Variants in TRIM28 observed in about 807,000 individuals in gnomAD.
The protein encoded by TRIM28 is tripartite motif containing 28.
A neutral mutation model predicts 87.4 loss-of-function variants in TRIM28; 8 were observed. The observed-to-expected ratio is 0.09, with a 90% CI of 0.05 to 0.17. The LOEUF is 0.17. Ranked by LOEUF, TRIM28 falls within the 10% of genes least tolerant of loss-of-function variation. The pLI is 1.00. For missense variants in TRIM28, 968 were observed against 1,131.8 expected, an observed-to-expected ratio of 0.86 and a Z score of 2.08; for synonymous variants, 601 against 454.3, an observed-to-expected ratio of 1.32 and a Z score of -4.11.
chr19:58,545,126 T>C, intron 1 of TRIM28, 29 bp downstream of exon 1: 5 of 1,378,982 alleles, frequency 3.6e-6, no homozygotes, highest in Middle Eastern at 2.7e-4. Context: ...GTGCCACCCC[T>C]CCCCCTACTC....
At chr19:58,547,342 G>A in intron 3 of TRIM28, 34 bp from the exon 4 acceptor site, 2 of 1,602,664 alleles carry the variant, frequency 1.2e-6, no homozygotes, top group African/African-American at 1.3e-5. Flanking sequence ...GGTGGTGAAG[G>A]GCAAGGTCCA....
At position 58,549,264 on chromosome 19, in the gene TRIM28, A is replaced by G; in HGVS notation, c.1662+24A>G. The G allele has an allele frequency of 1.2e-6, 2 of 1,606,176 alleles. No individual in the cohort carries two copies. The highest frequency in any genetic ancestry group is 1.7e-6 in the Non-Finnish European group (2 of 1,174,604). On this transcript the variant is annotated intron_variant, in intron 12 of 16. Transcript: ENST00000253024. The surrounding 1 kb of genome is among the most constrained non-coding windows in gnomAD (Gnocchi z 4.4). ...AGGTAAGCCTGTCCCAAGGAACTAT[A>G]GCTGTAGGATGAAGCCTGTAGTCCA...
At position 58,547,706 on chromosome 19, in the gene TRIM28, C is replaced by A; in HGVS notation, c.832C>A (p.Arg278Ser). Residue 278 changes from arginine (R) to serine (S), a missense_variant, in exon 5 of 17, where the codon CGC becomes AGC. By Grantham distance (110) the Arg-to-Ser change is moderately radical. Around this residue, in one of 11 missense-constraint regions of TRIM28, gnomAD observed 103 missense variants for 139.0 expected, o/e 0.74. Transcript: ENST00000253024. ...ATLQKSTKEV[R>S]SSIRQVSDVQ... Reference sequence around the variant, plus strand: ...ATTGCAGAAGAGCACCAAGGAGGTTCGCAGCTCGTAAGTGTGGGTTCTGGG... The same window carrying A: ...ATTGCAGAAGAGCACCAAGGAGGTTAGCAGCTCGTAAGTGTGGGTTCTGGG... 1 of 1,614,072 alleles carries A rather than the reference C, an allele frequency of 6.2e-7. No homozygotes were observed. Among genetic ancestry groups the A allele is most frequent in the South Asian group, 1.1e-5 (1 of 91,074 alleles).
rs778824406 is a variant in TRIM28 at position 58,545,522 on chromosome 19, C to T, written c.438C>T (p.Ala146=). ...GTGGCAGCAAGGCTGCCACCGACGCCCAGGATGCGAACCAGGTGCGTCCTA... is the reference window on the plus strand; with the variant it reads ...GTGGCAGCAAGGCTGCCACCGACGCTCAGGATGCGAACCAGGTGCGTCCTA... ...RDSGSKAATD[A]QDANQCCTSC... The change falls in exon 2 of 17, where the codon GCC becomes GCT. Residue 146 remains alanine (A), a synonymous_variant. Coordinates refer to ENST00000253024, the MANE Select transcript of TRIM28 (RefSeq NM_005762.3). 1 of 1,611,818 alleles carries T rather than the reference C, an allele frequency of 6.2e-7. No homozygotes were observed.
rs756462692 is a variant in TRIM28, at chr19:58,549,984, C to T, written c.2142C>T (p.His714=). 22 of 1,613,886 alleles carry T rather than the reference C, an allele frequency of 1.4e-5. No homozygotes were observed. Among genetic ancestry groups the T allele is most frequent in the African/African-American group, 2.7e-5 (2 of 74,862 alleles). ...CERVLLALFC[H]EPCRPLHQLA... ...GTGTACTGCTGGCCCTATTCTGTCACGAACCCTGCCGCCCCCTGCATCAGC... is the reference window on the plus strand; with the variant it reads ...GTGTACTGCTGGCCCTATTCTGTCATGAACCCTGCCGCCCCCTGCATCAGC... The change falls in exon 15 of 17, where the codon CAC becomes CAT. Residue 714 remains histidine, a synonymous_variant. Transcript: ENST00000253024. This position sits in a 1 kb window ranked among gnomAD's most constrained non-coding sequence, Gnocchi z 4.4.
At chr19:58,545,401 C>T (rs368873475) in intron 1 of TRIM28, 24 bp from the exon 2 acceptor site, 177 of 1,569,852 alleles carry the variant, frequency 1.1e-4, no homozygotes, top group Non-Finnish European at 1.5e-4. Context: ...TTGTAACAGT[C>T]TCCCACATCC....
At position 58,548,362 on chromosome 19, in the gene TRIM28, G is replaced by A. The variant is rs2305120; in HGVS notation, c.1170G>A (p.Lys390=). The change falls in exon 8 of 17, where the codon AAG becomes AAA. Residue 390 remains lysine (K), a synonymous_variant. Coordinates refer to ENST00000253024, the MANE Select transcript of TRIM28 (RefSeq NM_005762.3). ...VDPVEPHGEM[K]FQWDLNAWTK... is the part of the protein sequence containing the mutation. ...CCGTGGAGCCACATGGCGAGATGAA[G>A]TTTCAGTGGGACCTCAATGCCTGGA... 0.08 allele frequency: 128,488 copies of A among 1,614,062 alleles called. 7,084 individuals carry two copies. Among genetic ancestry groups the A allele is most frequent in the East Asian group, 0.32 (14,248 of 44,878 alleles).
In TRIM28 at chr19:58,545,775, C is replaced by T; in HGVS notation, c.465C>T (p.Ser155=). ...CCTTTGTCTGGCAGTGCTGCACTAG[C>T]TGTGAGGATAATGCCCCAGCCACCA... ...DAQDANQCCT[S]CEDNAPATSY... Residue 155 remains serine (S), a synonymous_variant, in exon 3 of 17, where the codon AGC becomes AGT. Coordinates refer to ENST00000253024, the MANE Select transcript of TRIM28 (RefSeq NM_005762.3). 6.2e-7 allele frequency: 1 copy of T among 1,608,774 alleles called. No homozygotes were observed.
In TRIM28 at chr19:58,549,132, C is replaced by T. The variant is rs1600083135; in HGVS notation, c.1554C>T (p.Asn518=). 6.2e-7 allele frequency: 1 copy of T among 1,614,160 alleles called. No homozygotes were observed. Among genetic ancestry groups the T allele is most frequent in the Non-Finnish European group, 8.5e-7 (1 of 1,180,032 alleles). The change falls in exon 12 of 17, where the codon AAC becomes AAT. Residue 518 remains asparagine, a synonymous_variant. Coordinates refer to ENST00000253024, the MANE Select transcript of TRIM28 (RefSeq NM_005762.3). The surrounding 1 kb of genome is among the most constrained non-coding windows in gnomAD (Gnocchi z 4.4). The part of the protein sequence containing the change: ...VFPGSTTEDY[N]LIVIERGAAA... ...CAGGCAGTACCACTGAGGACTACAACCTTATTGTTATTGAACGTGGCGCTG... is the reference window on the plus strand; with the variant it reads ...CAGGCAGTACCACTGAGGACTACAATCTTATTGTTATTGAACGTGGCGCTG...
In TRIM28 at chr19:58,548,348, C is replaced by G; in HGVS notation, c.1156C>G (p.His386Asp). 1 of 1,614,188 alleles carries G rather than the reference C, an allele frequency of 6.2e-7. No homozygotes were observed. The highest frequency in any genetic ancestry group is 1.1e-5 in the South Asian group (1 of 91,082). Residue 386 changes from histidine to aspartate, a missense_variant, in exon 8 of 17, where the codon CAT (histidine) becomes GAT (aspartate). Physicochemically the swap from His to Asp is moderately conservative, Grantham distance 81. Transcript: ENST00000253024. ...GATGATTGTGGATCCCGTGGAGCCA[C>G]ATGGCGAGATGAAGTTTCAGTGGGA... ...LKMIVDPVEP[H>D]GEMKFQWDLN...
intron 2 of TRIM28, 64 bp from the exon 3 acceptor site, chr19:58,545,700 C>G: frequency 6.3e-7 from 1 of 1,575,208 alleles, no homozygotes; most frequent in Non-Finnish European, 8.7e-7. Context: ...GTTGTATTTT[C>G]TGGGATGTAA....
In TRIM28 at chr19:58,545,829, G is replaced by C. The variant is rs2053756771; in HGVS notation, c.519G>C (p.Leu173=). ...ACTGTGTGGAGTGCTCGGAGCCTCT[G>C]TGTGAGACCTGTGTAGAGGCGCACC... The part of the protein sequence containing the change: ...TSYCVECSEP[L]CETCVEAHQR... The change falls in exon 3 of 17, where the codon CTG becomes CTC. Residue 173 remains leucine (L), a synonymous_variant. Transcript: ENST00000253024. The C allele has an allele frequency of 6.2e-7, 1 of 1,612,240 alleles. No individual in the cohort carries two copies. Among genetic ancestry groups the C allele is most frequent in the Non-Finnish European group, 8.5e-7 (1 of 1,179,290 alleles).
Position 58,544,913 on chromosome 19 carries a change from G to C in TRIM28, c.156G>C (p.Ala52=). 1 of 1,390,390 alleles carries C rather than the reference G, an allele frequency of 7.2e-7. No individual in the cohort carries two copies. The highest frequency in any genetic ancestry group is 9.3e-7 in the Non-Finnish European group (1 of 1,080,524). 86.1% of individuals were successfully genotyped at this position (1,390,390 alleles called of 1,614,324 possible). A position where few individuals can be genotyped will look rare whatever the true frequency, so the allele number is the denominator to read the frequency against. Residue 52 remains alanine (A), a synonymous_variant, in exon 1 of 17, where the codon GCG becomes GCC. Coordinates refer to ENST00000253024, the MANE Select transcript of TRIM28 (RefSeq NM_005762.3). Reference sequence around the variant, plus strand: ...CCTCAGCCGCGGCGTCGTCGCCCGCGGGGGGCGGCGCCGAGGCGCTGGAGC... The same window carrying C: ...CCTCAGCCGCGGCGTCGTCGCCCGCCGGGGGCGGCGCCGAGGCGCTGGAGC... ...ASASAAASSP[A]GGGAEALELL...
chr19:58,545,647 TGGGCTGCCTA>T, intron 2 of TRIM28, 107 bp from the exon 3 acceptor site: 2 of 1,516,902 alleles, frequency 1.3e-6, no homozygotes, highest in African/African-American at 1.4e-5. Flanking sequence ...AGGCTCTGGG[TGGGCTGCCTA>T]GGTTGGGTCA....
chr19:58,547,695 C>T lies in TRIM28; in HGVS notation c.821C>T (p.Thr274Ile), dbSNP rs1568660748. ...AAACATGCAACATTGCAGAAGAGCA[C>T]CAAGGAGGTTCGCAGCTCGTAAGTG... ...GDKHATLQKSTKEVRSSIRQV... is the reference protein window; with the variant it reads ...GDKHATLQKSIKEVRSSIRQV... The change falls in exon 5 of 17, where the codon ACC becomes ATC. Residue 274 changes from threonine to isoleucine, a missense_variant. Thr to Ile is a moderately conservative substitution (Grantham distance 89). Around this residue, in one of 11 missense-constraint regions of TRIM28, gnomAD observed 103 missense variants for 139.0 expected, o/e 0.74. Transcript: ENST00000253024. 9.3e-6 allele frequency: 15 copies of T among 1,614,126 alleles called. No homozygotes were observed. The highest frequency in any genetic ancestry group is 1.3e-5 in the Non-Finnish European group (15 of 1,180,034).
In TRIM28 at chr19:58,545,075, CG is replaced by C; in HGVS notation, c.322del (p.Ala108ArgfsTer71). 7.0e-7 allele frequency: 1 copy of C among 1,437,672 alleles called. No homozygotes were observed. The highest frequency in any genetic ancestry group is 1.4e-5 in the South Asian group (1 of 69,090). 89.1% of individuals were successfully genotyped at this position (1,437,672 alleles called of 1,614,324 possible). A position where few individuals can be genotyped will look rare whatever the true frequency, so the allele number is the denominator to read the frequency against. ...CCGCCGCCAACAGCTCGGGGGACGG[CG>C]GGGCGGCGGGCGACGGCACCGGTAA... ...PAAANSSGDGGAAGDGTVVDC... is the reference protein window; with the variant it reads ...PAAANSSGDGXAAGDGTVVDC... On this transcript the variant is annotated frameshift_variant, in exon 1 of 17. Coordinates refer to ENST00000253024, the MANE Select transcript of TRIM28 (RefSeq NM_005762.3). LOFTEE classifies it high-confidence loss of function.
chr19:58,545,736 C>G (rs775830304), intron 2 of TRIM28, 28 bp from the exon 3 acceptor site: 3 of 1,588,384 alleles, frequency 1.9e-6, no homozygotes, highest in East Asian at 2.3e-5. Context: ...GTTGTCTTGC[C>G]TTCTCTGACC....
chr19:58,547,497 C>G lies in TRIM28; in HGVS notation c.708C>G (p.Ala236=). The change falls in exon 4 of 17, where the codon GCC becomes GCG. Residue 236 remains alanine (A), a synonymous_variant. Coordinates refer to ENST00000253024, the MANE Select transcript of TRIM28 (RefSeq NM_005762.3). ...TLTCRDCQLN[A]HKDHQYQFLE... ...CCTGCCGAGACTGCCAGCTCAATGC[C>G]CACAAGGACCACCAGTGAGTCCCAA... is the stretch of plus-strand genomic sequence containing the variant. The G allele has an allele frequency of 6.2e-7, 1 of 1,614,042 alleles. No individual in the cohort carries two copies. The highest frequency in any genetic ancestry group is 8.5e-7 in the Non-Finnish European group (1 of 1,180,014).
intron 3 of TRIM28, 108 bp downstream of exon 3, chr19:58,546,004 G>T (rs886426930): frequency 3.8e-5 from 52 of 1,379,204 alleles, no homozygotes; most frequent in Non-Finnish European, 4.7e-5. Context: ...TTCTCTAGGG[G>T]GTGCCGCCCG....
Sources: gnomAD v4.1 joint callset for allele counts on GRCh38, gnomAD v4.1.1 for gene constraint, gnomAD v4.1.1 regional missense constraint, Gnocchi (gnomAD v3.1) non-coding constraint, MANE v1.5 for transcripts, NCBI Gene and HGNC (gene_info 2026-07-23, HGNC 2026-07-21) for gene names.